Variants in ANKRD31 observed in about 807,000 individuals in gnomAD.
ANKRD31 encodes the protein ankyrin repeat domain-containing protein 31.
A neutral mutation model predicts 186.0 loss-of-function variants in ANKRD31; 147 were observed. The ratio of observed to expected loss-of-function variants is 0.79; its 90% CI spans 0.69 to 0.91. The LOEUF is 0.91. ANKRD31 is among the 40% of genes least tolerant of loss of function. ANKRD31 has a pLI of 0.00. For synonymous variants in ANKRD31, 673 were observed against 736.4 expected, an observed-to-expected ratio of 0.91 and a Z score of 1.39; for missense variants, 1,986 against 2,148.8, an observed-to-expected ratio of 0.92 and a Z score of 1.50.
Position 75,137,960 on chromosome 5 carries a change from T to C in ANKRD31, c.3772A>G (p.Ile1258Val), listed in dbSNP as rs1337763193. 2 of 1,527,006 alleles carry C rather than the reference T, an allele frequency of 1.3e-6. No individual in the cohort carries two copies. Among genetic ancestry groups the C allele is most frequent in the African/African-American group, 2.8e-5 (2 of 72,178 alleles). 94.6% of individuals were successfully genotyped at this position (1,527,006 alleles called of 1,614,324 possible). ...PLHEASNEGS[I>V]DIIVELLKAG... ...TTTAATAACTCTACAATTATATCAA[T>C]AGATCCTTCATTAGATGCCTCATGA... The change falls in exon 17 of 26, where the codon ATT becomes GTT. Residue 1258 changes from isoleucine (I) to valine (V), a missense_variant. Coordinates refer to ENST00000506364, the MANE Select transcript of ANKRD31 (RefSeq NM_001372053.1).
Position 75,069,855 on chromosome 5 carries a change from G to C in ANKRD31, c.5648-1191C>G, listed in dbSNP as rs143828100. Among the ~76,000 whole-genome samples, 247 of 152,250 alleles carry C rather than the reference G, an allele frequency of 1.6e-3. 3 individuals carry two copies. Among genetic ancestry groups the C allele is most frequent in the Middle Eastern group, 0.01 (3 of 294 alleles). On this transcript the variant is annotated intron_variant, in intron 25 of 25. Coordinates refer to ENST00000506364, the MANE Select transcript of ANKRD31 (RefSeq NM_001372053.1). ...GTATTTTGGCAAAGAGTCACATACAGAGTCTTCTTTTTTAGACTTGAACCT... is the reference window on the plus strand; with the variant it reads ...GTATTTTGGCAAAGAGTCACATACACAGTCTTCTTTTTTAGACTTGAACCT...
At chr5:75,117,765 T>C (rs1477389398) in intron 18 of ANKRD31, among the ~76,000 whole-genome samples, 1 of 152,202 alleles carries the variant, frequency 6.6e-6, no homozygotes, top group Non-Finnish European at 1.5e-5. Flanking sequence ...TAATATATGT[T>C]ATATTCCTCT....
intron 24 of ANKRD31, among the ~76,000 whole-genome samples, chr5:75,081,777 T>G (rs1246494515): frequency 1.3e-5 from 2 of 149,538 alleles, no homozygotes; most frequent in African/African-American, 2.5e-5. Context: ...AGAGAGAGGA[T>G]AGAGTACTTT....
intron 3 of ANKRD31, among the ~76,000 whole-genome samples, chr5:75,217,830 T>A (rs922145528): frequency 6.6e-6 from 1 of 152,140 alleles, no homozygotes. Context: ...CAGATCTGTT[T>A]GTGTGGTTGC....
intron 5 of ANKRD31, among the ~76,000 whole-genome samples, chr5:75,200,523 C>T (rs1453778128): frequency 1.3e-5 from 2 of 150,990 alleles, no homozygotes; most frequent in South Asian, 2.1e-4. Flanking sequence ...GTCTCAAACC[C>T]CTGACTTCAA....
At chr5:75,177,497 C>A (rs2150209127) in intron 10 of ANKRD31, among the ~76,000 whole-genome samples, 1 of 152,162 alleles carries the variant, frequency 6.6e-6, no homozygotes, top group South Asian at 2.1e-4. Context: ...GGTCGAGTTA[C>A]CAACAAAGGG....
At chr5:75,164,369 G>C (rs924740834) in intron 11 of ANKRD31, among the ~76,000 whole-genome samples, 1 of 152,166 alleles carries the variant, frequency 6.6e-6, no homozygotes, top group Admixed American at 6.5e-5. Flanking sequence ...ATTATTTTAA[G>C]TTTTGTGGTA....
intron 17 of ANKRD31, among the ~76,000 whole-genome samples, chr5:75,130,338 C>G (rs1470376019): frequency 6.6e-6 from 1 of 152,190 alleles, no homozygotes; most frequent in African/African-American, 2.4e-5. Flanking sequence ...AGCAAAAGAA[C>G]AAAGCTTCCA....
chr5:75,103,046 G>A (rs370315103), intron 22 of ANKRD31, among the ~76,000 whole-genome samples: 2 of 152,008 alleles, frequency 1.3e-5, no homozygotes, highest in African/African-American at 2.4e-5. Flanking sequence ...GTTCCTATTC[G>A]GCCATCTTGG....
intron 2 of ANKRD31, among the ~76,000 whole-genome samples, chr5:75,229,864 C>CAA (rs1210080751): frequency 5.0e-3 from 188 of 37,236 alleles, no homozygotes; most frequent in Non-Finnish European, 7.0e-3. Flanking sequence ...GACTCTGTCT[C>CAA]AAAAAAAAAA....
chr5:75,118,303 A>T lies in ANKRD31; in HGVS notation c.3877-6T>A, dbSNP rs781699301. 1 of 1,468,228 alleles carries T rather than the reference A, an allele frequency of 6.8e-7. No homozygotes were observed. The highest frequency in any genetic ancestry group is 1.4e-5 in the South Asian group (1 of 70,620). 91.0% of individuals were successfully genotyped at this position (1,468,228 alleles called of 1,614,324 possible). A position where few individuals can be genotyped will look rare whatever the true frequency, so the allele number is the denominator to read the frequency against. ...TGTAGTAGAATCTCAGCTGCCTACAAAGTATTTTTTCAAAGTTATCTCTAC... is the reference window on the plus strand; with the variant it reads ...TGTAGTAGAATCTCAGCTGCCTACATAGTATTTTTTCAAAGTTATCTCTAC... On this transcript the variant is annotated splice_region_variant and splice_polypyrimidine_tract_variant and intron_variant, in intron 17 of 25. Coordinates refer to ENST00000506364, the MANE Select transcript of ANKRD31 (RefSeq NM_001372053.1).
At chr5:75,076,392 A>G (rs927132996) in intron 25 of ANKRD31, among the ~76,000 whole-genome samples, 4 of 152,176 alleles carry the variant, frequency 2.6e-5, no homozygotes, top group Admixed American at 2.6e-4. Context: ...AACTCAGGAA[A>G]GCACTTTACT....
chr5:75,230,215 C>T (rs1757868268), intron 2 of ANKRD31, among the ~76,000 whole-genome samples: 1 of 152,060 alleles, frequency 6.6e-6, no homozygotes, highest in South Asian at 2.1e-4. Flanking sequence ...CCCTGAGCTG[C>T]CAGGATAGGC....
intron 25 of ANKRD31, among the ~76,000 whole-genome samples, chr5:75,078,998 A>G (rs1744875478): frequency 6.6e-6 from 1 of 152,200 alleles, no homozygotes; most frequent in Non-Finnish European, 1.5e-5. Flanking sequence ...CATCAACAGA[A>G]TTTCATTTTT....
At chr5:75,218,943 T>A (rs1014906120) in intron 3 of ANKRD31, among the ~76,000 whole-genome samples, 1 of 152,102 alleles carries the variant, frequency 6.6e-6, no homozygotes, top group Non-Finnish European at 1.5e-5. Flanking sequence ...CCCTTCATGT[T>A]AAAAACCCTC....
chr5:75,169,201 T>C (rs1231936819), intron 10 of ANKRD31, 80 bp from the exon 11 acceptor site: 6 of 1,429,440 alleles, frequency 4.2e-6, no homozygotes, highest in South Asian at 1.3e-5. Context: ...AAAACAACTT[T>C]GATTCTAAGT....
At chr5:75,170,774 A>G (rs1266972684) in intron 10 of ANKRD31, among the ~76,000 whole-genome samples, 1 of 152,160 alleles carries the variant, frequency 6.6e-6, no homozygotes, top group Non-Finnish European at 1.5e-5. Context: ...AGATACAGTA[A>G]AAGGATAGAA....
intron 1 of ANKRD31, among the ~76,000 whole-genome samples, chr5:75,234,155 G>A (rs1017107981): frequency 2.0e-5 from 3 of 152,028 alleles, no homozygotes; most frequent in Admixed American, 6.6e-5. Flanking sequence ...AATGTTAAGC[G>A]AAAACTGTAA....
At chr5:75,093,642 C>T (rs1746107213) in intron 22 of ANKRD31, among the ~76,000 whole-genome samples, 2 of 152,136 alleles carry the variant, frequency 1.3e-5, no homozygotes, top group African/African-American at 4.8e-5. Context: ...ATATTAAAAG[C>T]AGCAGGAGAA....
Sources: allele counts gnomAD v4.1 joint callset (sites outside exome capture counted in the v4.1 genomes callset), GRCh38; gene constraint gnomAD v4.1.1; transcripts MANE v1.5; gene names NCBI Gene and HGNC (gene_info 2026-07-23, HGNC 2026-07-21).